The following CBX2 variants were observed in gnomAD, a reference collection of about 807,000 sequenced individuals.
CBX2 encodes chromobox 2.
In CBX2, 11 loss-of-function variants were observed where a neutral mutation model predicts 21.0. The ratio of observed to expected loss-of-function variants is 0.52; its 90% CI spans 0.33 to 0.87. CBX2 has a LOEUF of 0.87. Ranked by LOEUF, CBX2 falls within the 40% of genes least tolerant of loss-of-function variation. CBX2 has a pLI of 0.02. For synonymous variants in CBX2, 364 were observed against 304.6 expected (o/e 1.19, Z -2.03); for missense variants, 746 against 724.3 (o/e 1.03, Z -0.34).
chr17:79,787,158 G>T lies in CBX2; in HGVS notation c.*2116G>T, dbSNP rs913859665. 1.3e-5 allele frequency: 2 copies of T among 152,354 alleles called. No individual in the cohort carries two copies. Among genetic ancestry groups the T allele is most frequent in the Admixed American group, 6.5e-5 (1 of 15,288 alleles). The allele number at this position is 152,354 out of a possible 1,614,324, so 9.4% of individuals were successfully genotyped here. On this transcript the variant is annotated 3_prime_UTR_variant, in exon 5 of 5. Transcript: ENST00000310942. ...CTGAGCCTCAGGCACCAGCCTCCCT[G>T]TGCTCGACAGCAAAGTCTTGACTCC...
At chr17:79,780,689 A>G (rs1272105219) in intron 3 of CBX2, among the ~76,000 whole-genome samples, 1 of 152,074 alleles carries the variant, frequency 6.6e-6, no homozygotes, top group Admixed American at 6.5e-5. Context: ...CCATCCACCA[A>G]AATGTTAGCT....
At chr17:79,777,986 C>G (rs1324133058), upstream of CBX2, 2 of 144,484 alleles carry the variant, frequency 1.4e-5, no homozygotes, top group African/African-American at 2.5e-5. Context: ...CGAGGCCCAG[C>G]CCGCCGCGGA....
chr17:79,782,151 T>C (rs782586176), intron 4 of CBX2: 4 of 1,612,710 alleles, frequency 2.5e-6, no homozygotes, highest in Non-Finnish European at 3.4e-6. Context: ...GTACAGTAGG[T>C]GCTCATAGGA....
At position 79,783,853 on chromosome 17, in the gene CBX2, G is replaced by T. The variant is rs151114184; in HGVS notation, c.410G>T (p.Arg137Leu). The T allele has an allele frequency of 1.2e-6, 2 of 1,613,570 alleles. No homozygotes were observed. The highest frequency in any genetic ancestry group is 8.5e-7 in the Non-Finnish European group (1 of 1,179,794). The change falls in exon 5 of 5, where the codon CGC becomes CTC. Residue 137 changes from arginine to leucine, a missense_variant. Physicochemically the swap from Arg to Leu is moderately radical, Grantham distance 102. Transcript: ENST00000310942. ...DLDAKRGPRGRETHPVPQKKA... is the reference protein window; with the variant it reads ...DLDAKRGPRGLETHPVPQKKA... ...GATGCTAAGAGGGGTCCCCGGGGCC[G>T]CGAGACCCACCCAGTGCCGCAGAAG...
chr17:79,781,855 A>G (rs1434640441), intron 4 of CBX2, 54 bp downstream of exon 4: 23 of 1,613,930 alleles, frequency 1.4e-5, no homozygotes, highest in Middle Eastern at 1.6e-4. Context: ...CCCTTGGCGT[A>G]GGGGGCAGGC....
In CBX2 at chr17:79,787,449, G is replaced by GT. The variant is rs1388957274; in HGVS notation, c.*2412dup. ...ACTTTGCCTTCTTACTGTGTTGTGT[G>GT]TTTTTCCTGGTGCTTCAAGAGCGTG... On this transcript the variant is annotated 3_prime_UTR_variant, in exon 5 of 5. Transcript: ENST00000310942. 6.5e-6 allele frequency: 1 copy of GT among 152,710 alleles called. No individual in the cohort carries two copies. Among genetic ancestry groups the GT allele is most frequent in the Non-Finnish European group, 1.5e-5 (1 of 68,060 alleles). 9.5% of individuals were successfully genotyped at this position (152,710 alleles called of 1,614,324 possible). A position where few individuals can be genotyped will look rare whatever the true frequency, so the allele number is the denominator to read the frequency against.
Position 79,778,206 on chromosome 17 carries a change from G to C in CBX2, c.-30G>C, listed in dbSNP as rs1167779380. ...GGTCCGGGCGGGTGACTGGCGGCGG[G>C]CGCCGCGGTCGGGCTGGCTGCCGGG... On this transcript the variant is annotated 5_prime_UTR_variant, in exon 1 of 5. Transcript: ENST00000310942. The surrounding 1 kb of genome is among the most constrained non-coding windows in gnomAD (Gnocchi z 4.8). 35 of 1,291,858 alleles carry C rather than the reference G, an allele frequency of 2.7e-5. No homozygotes were observed. Among genetic ancestry groups the C allele is most frequent in the Non-Finnish European group, 3.3e-5 (34 of 1,018,508 alleles). 80.0% of individuals were successfully genotyped at this position (1,291,858 alleles called of 1,614,324 possible).
Position 79,781,752 on chromosome 17 carries a change from C to T in CBX2, c.239C>T (p.Pro80Leu), listed in dbSNP as rs1555830297. 2 of 1,614,092 alleles carry T rather than the reference C, an allele frequency of 1.2e-6. No individual in the cohort carries two copies. The highest frequency in any genetic ancestry group is 2.2e-5 in the East Asian group (1 of 44,862). ...AGAGGCAAGAGGCCGAGAGGCCGGCCAAGGAAGCTCACTGCCATGTCCTCC... is the reference window on the plus strand; with the variant it reads ...AGAGGCAAGAGGCCGAGAGGCCGGCTAAGGAAGCTCACTGCCATGTCCTCC... ...RKRGKRPRGRPRKLTAMSSCS... is the reference protein window; with the variant it reads ...RKRGKRPRGRLRKLTAMSSCS... Residue 80 changes from proline (P) to leucine (L), a missense_variant, in exon 4 of 5, where the codon CCA becomes CTA. Pro to Leu is a moderately conservative substitution (Grantham distance 98). This residue lies in a region of CBX2 where 701 missense variants were observed against 650.7 expected (regional missense o/e 1.08). Coordinates refer to ENST00000310942, the MANE Select transcript of CBX2 (RefSeq NM_005189.3).
intron 4 of CBX2, chr17:79,782,359 C>T (rs1907290996): frequency 4.1e-6 from 6 of 1,448,774 alleles, no homozygotes; most frequent in Non-Finnish European, 5.4e-6. Context: ...GTCCTGTCAC[C>T]CCTCCTCGCT....
chr17:79,784,571 C>T lies in CBX2; in HGVS notation c.1128C>T (p.Thr376=), dbSNP rs544093912. 2.2e-4 allele frequency: 356 copies of T among 1,612,624 alleles called. 1 individual carries two copies. The South Asian group carries it at 3.1e-3, about 14-fold the overall frequency. ...PGVGLLARHA[T]ATKGVPATNP... ...TGGGTCTCCTTGCCCGCCACGCCAC[C>T]GCCACCAAGGGTGTCCCGGCCACCA... is the stretch of plus-strand genomic sequence containing the variant. Residue 376 remains threonine, a synonymous_variant, in exon 5 of 5, where the codon ACC becomes ACT. Coordinates refer to ENST00000310942, the MANE Select transcript of CBX2 (RefSeq NM_005189.3). This position sits in a 1 kb window ranked among gnomAD's most constrained non-coding sequence, Gnocchi z 5.9.
Position 79,785,088 on chromosome 17 carries a change from T to C in CBX2, c.*46T>C, listed in dbSNP as rs1413485425. ...CGCGGTCTTACTCCCCTTCCCTGCC[T>C]ATGGTGTCGCTTGGCTAAGTGACTC... On this transcript the variant is annotated 3_prime_UTR_variant, in exon 5 of 5. Transcript: ENST00000310942. The C allele has an allele frequency of 6.6e-7, 1 of 1,516,318 alleles. No homozygotes were observed. Among genetic ancestry groups the C allele is most frequent in the African/African-American group, 1.4e-5 (1 of 73,294 alleles). 93.9% of individuals were successfully genotyped at this position (1,516,318 alleles called of 1,614,324 possible).
chr17:79,779,446 C>CTG lies in CBX2; in HGVS notation c.182+20_182+21dup, dbSNP rs3833851. 0.27 allele frequency: 436,334 copies of CTG among 1,608,050 alleles called. 61,198 individuals are homozygous for CTG. The highest frequency in any genetic ancestry group is 0.34 in the African/African-American group (25,427 of 74,738). ...AGAAGAAGTGAGGACGCTGACAGCACTGGGGAGGGTGTGGGGGAGGGACGG... is the reference window on the plus strand; with the variant it reads ...AGAAGAAGTGAGGACGCTGACAGCACTGTGGGGAGGGTGTGGGGGAGGGACGG... On this transcript the variant is annotated intron_variant, in intron 3 of 4. Coordinates refer to ENST00000310942, the MANE Select transcript of CBX2 (RefSeq NM_005189.3).
rs1555832070 is a variant in CBX2, at chr17:79,786,722, C to CTATA, written c.*1681_*1684dup. 6.5e-6 allele frequency: 1 copy of CTATA among 152,686 alleles called. No individual in the cohort carries two copies. The highest frequency in any genetic ancestry group is 1.9e-4 in the East Asian group (1 of 5,192). 9.5% of individuals were successfully genotyped at this position (152,686 alleles called of 1,614,324 possible). ...CATGGGGCTACATTCCAGTGCCTGA[C>CTATA]TATAGGGAGGCACTCCTGATTCCAT... On this transcript the variant is annotated 3_prime_UTR_variant, in exon 5 of 5. Transcript: ENST00000310942.
intron 3 of CBX2, among the ~76,000 whole-genome samples, chr17:79,780,528 T>G (rs1343657920): frequency 6.6e-6 from 1 of 152,140 alleles, no homozygotes; most frequent in Non-Finnish European, 1.5e-5. Flanking sequence ...GCTGGTGCGC[T>G]TCTCTGGATC....
intron 4 of CBX2, 64 bp downstream of exon 4, chr17:79,781,865 CAGAG>C (rs782080092): frequency 1.2e-6 from 2 of 1,613,998 alleles, no homozygotes; most frequent in South Asian, 2.2e-5. Flanking sequence ...AGGGGGCAGG[CAGAG>C]GGAGGGTTTG....
intron 3 of CBX2, 100 bp from the exon 4 acceptor site, chr17:79,781,596 A>T: frequency 9.9e-7 from 1 of 1,012,362 alleles, no homozygotes; most frequent in Non-Finnish European, 1.6e-6. Flanking sequence ...ATAAGCTATT[A>T]CAGGCCAACA....
chr17:79,782,385 C>G, intron 4 of CBX2: 1 of 1,403,386 alleles, frequency 7.1e-7, no homozygotes. Flanking sequence ...GATGGGCTCA[C>G]CCCGCCACAG....
upstream of CBX2, chr17:79,778,087 C>A: frequency 5.8e-6 from 1 of 171,128 alleles, no homozygotes; most frequent in Non-Finnish European, 1.1e-5. This position sits in a 1 kb window ranked among gnomAD's most constrained non-coding sequence, Gnocchi z 4.8. Flanking sequence ...GGCGGCGGGC[C>A]GGGGCGCGGG....
intron 3 of CBX2, 161 bp downstream of exon 3, chr17:79,779,588 A>G (rs998095946): frequency 3.7e-4 from 245 of 670,994 alleles, no homozygotes; most frequent in Non-Finnish European, 6.2e-4. Context: ...CTGGCTGTAA[A>G]AGTCCCCAGC....
Sources: gnomAD v4.1 joint callset for allele counts (sites outside exome capture counted in the v4.1 genomes callset) on GRCh38, gnomAD v4.1.1 for gene constraint, gnomAD v4.1.1 regional missense constraint, Gnocchi (gnomAD v3.1) non-coding constraint, MANE v1.5 for transcripts, NCBI Gene and HGNC (gene_info 2026-07-23, HGNC 2026-07-21) for gene names.